DNAH10: variants seen among roughly 807,000 people sequenced by gnomAD.
DNAH10 encodes axonemal beta dynein heavy chain 10.
In DNAH10, 348 loss-of-function variants were observed where a neutral mutation model predicts 506.6. The observed-to-expected ratio is 0.69, with a 90% CI of 0.63 to 0.75. The LOEUF is 0.75. Ranked by LOEUF, DNAH10 falls within the 30% of genes least tolerant of loss-of-function variation. The pLI, the probability that DNAH10 is intolerant of heterozygous loss-of-function variation, is 0.00. For synonymous variants in DNAH10, 2,059 were observed against 2,198.6 expected, an observed-to-expected ratio of 0.94 and a Z score of 1.78; for missense variants, 5,179 against 5,787.1, an observed-to-expected ratio of 0.89 and a Z score of 3.41.
At chr12:123,808,745 T>A in intron 18 of DNAH10, 52 bp from the exon 19 acceptor site, 1 of 1,589,990 alleles carries the variant, frequency 6.3e-7, no homozygotes, top group Non-Finnish European at 8.6e-7. Flanking sequence ...TTGCTTGGTG[T>A]ATTTCACTCT....
At chr12:123,870,325 G>C in intron 43 of DNAH10, 41 bp from the exon 44 acceptor site, 1 of 1,596,412 alleles carries the variant, frequency 6.3e-7, no homozygotes, top group Non-Finnish European at 8.5e-7. Flanking sequence ...TTGTATTTCC[G>C]TGTTTATGAT....
chr12:123,859,179 C>T lies in DNAH10; in HGVS notation c.6660C>T (p.Thr2220=), dbSNP rs1339567084. 1.9e-6 allele frequency: 3 copies of T among 1,611,556 alleles called. No homozygotes were observed. Among genetic ancestry groups the T allele is most frequent in the Non-Finnish European group, 2.5e-6 (3 of 1,179,142 alleles). ...QVDKVVQMFE[T]MLTRHTTMVV... ...ATAAAGTGGTTCAAATGTTCGAGAC[C>T]ATGTTAACCCGCCACACGACGATGG... The change falls in exon 38 of 79, where the codon ACC becomes ACT. Residue 2220 remains threonine, a synonymous_variant. Transcript: ENST00000673944.
intron 47 of DNAH10, among the ~76,000 whole-genome samples, chr12:123,877,457 G>A (rs903680370): frequency 1.3e-5 from 2 of 152,196 alleles, no homozygotes; most frequent in East Asian, 1.9e-4. Flanking sequence ...AATTACAGGT[G>A]CGCACCACCA....
chr12:123,918,822 C>T lies in DNAH10; in HGVS notation c.11379C>T (p.Ser3793=), dbSNP rs776016994. The T allele has an allele frequency of 6.2e-7, 1 of 1,613,960 alleles. No individual in the cohort carries two copies. Among genetic ancestry groups the T allele is most frequent in the Admixed American group, 1.7e-5 (1 of 60,024 alleles). ...MALVNSMYQY[S]LIAFLEVFRL... is the part of the protein sequence containing the mutation. Reference sequence around the variant, plus strand: ...TGGTGAACTCCATGTACCAGTACTCCCTGATTGCCTTCTTAGAGGTCTTCA... The same window carrying T: ...TGGTGAACTCCATGTACCAGTACTCTCTGATTGCCTTCTTAGAGGTCTTCA... Residue 3793 remains serine, a synonymous_variant, in exon 65 of 79, where the codon TCC becomes TCT. Coordinates refer to ENST00000673944, the MANE Select transcript of DNAH10 (RefSeq NM_001372106.1).
At chr12:123,886,078 C>A (rs1952713128) in intron 51 of DNAH10, among the ~76,000 whole-genome samples, 1 of 152,152 alleles carries the variant, frequency 6.6e-6, no homozygotes, top group Admixed American at 6.5e-5. Flanking sequence ...TAATTGAAAT[C>A]ATTCATTGTT....
intron 73 of DNAH10, 57 bp downstream of exon 73, chr12:123,930,630 A>C: frequency 6.4e-7 from 1 of 1,570,646 alleles, no homozygotes; most frequent in Non-Finnish European, 8.6e-7. Context: ...GGGAGACCAT[A>C]CATTTCAACC....
Position 123,910,622 on chromosome 12 carries a change from G to T in DNAH10, c.10084G>T (p.Val3362Leu), listed in dbSNP as rs745470849. 5 of 1,613,720 alleles carry T rather than the reference G, an allele frequency of 3.1e-6. No individual in the cohort carries two copies. The highest frequency in any genetic ancestry group is 2.2e-5 in the South Asian group (2 of 91,072). The change falls in exon 59 of 79, where the codon GTA (valine) becomes TTA (leucine). Residue 3362 changes from valine to leucine, a missense_variant. Val to Leu is a conservative substitution (Grantham distance 32). Around this residue, in one of 3 missense-constraint regions of DNAH10, gnomAD observed 4,844 missense variants for 5,430.5 expected, o/e 0.89. Coordinates refer to ENST00000673944, the MANE Select transcript of DNAH10 (RefSeq NM_001372106.1). ...GLGMLKFVEA[V>L]MGYCDVFREI... ...GGGGATGCTGAAATTTGTTGAAGCT[G>T]TAATGGGCTACTGTGATGTTTTCAG...
In DNAH10 at chr12:123,804,958, A is replaced by G. The variant is rs1003555357; in HGVS notation, c.2905A>G (p.Thr969Ala). 1 of 1,614,236 alleles carries G rather than the reference A, an allele frequency of 6.2e-7. No homozygotes were observed. Among genetic ancestry groups the G allele is most frequent in the South Asian group, 1.1e-5 (1 of 91,086 alleles). ...TGAGGGCCTGGTCGTCCACACCAACACAGGCAAGGCCCCCAAGCTGGCCTC... is the reference window on the plus strand; with the variant it reads ...TGAGGGCCTGGTCGTCCACACCAACGCAGGCAAGGCCCCCAAGCTGGCCTC... ...KVEGLVVHTNTGKAPKLASYY... is the reference protein window; with the variant it reads ...KVEGLVVHTNAGKAPKLASYY... Residue 969 changes from threonine to alanine, a missense_variant, in exon 18 of 79, where the codon ACA (threonine) becomes GCA (alanine). Physicochemically the swap from Thr to Ala is moderately conservative, Grantham distance 58. Transcript: ENST00000673944.
At chr12:123,887,048 C>A in intron 51 of DNAH10, 94 bp from the exon 52 acceptor site, 1 of 1,448,366 alleles carries the variant, frequency 6.9e-7, no homozygotes, top group Non-Finnish European at 9.2e-7. Flanking sequence ...AGACCCACGC[C>A]CTCTGCACTC....
chr12:123,918,452 T>G (rs1409493721), intron 64 of DNAH10, among the ~76,000 whole-genome samples: 1 of 152,164 alleles, frequency 6.6e-6, no homozygotes, highest in Non-Finnish European at 1.5e-5. Flanking sequence ...ACCGGAGACT[T>G]ACAAGCAGTG....
chr12:123,869,728 C>T (rs543632447), intron 43 of DNAH10, among the ~76,000 whole-genome samples: 3 of 152,300 alleles, frequency 2.0e-5, no homozygotes, highest in South Asian at 2.1e-4. Context: ...TCAGGCTCCT[C>T]GCTCCATCTG....
chr12:123,916,870 G>C lies in DNAH10; in HGVS notation c.11002+134G>C. On this transcript the variant is annotated intron_variant, in intron 63 of 78. Coordinates refer to ENST00000673944, the MANE Select transcript of DNAH10 (RefSeq NM_001372106.1). This position sits in a 1 kb window ranked among gnomAD's most constrained non-coding sequence, Gnocchi z 4.6. ...TTCTCTCATAGGCACATCTGGACTA[G>C]TCAGCTCTTACCAATTAGGTACCAC... 1 of 1,148,160 alleles carries C rather than the reference G, an allele frequency of 8.7e-7. No homozygotes were observed. 71.1% of individuals were successfully genotyped at this position (1,148,160 alleles called of 1,614,324 possible). A position where few individuals can be genotyped will look rare whatever the true frequency, so the allele number is the denominator to read the frequency against.
intron 30 of DNAH10, among the ~76,000 whole-genome samples, chr12:123,842,846 G>A (rs757972711): frequency 3.4e-4 from 51 of 152,132 alleles, no homozygotes; most frequent in Non-Finnish European, 6.2e-4. Flanking sequence ...CAGAATATTC[G>A]ACAGTTAGTC....
At chr12:123,799,111 A>G (rs1958387940) in intron 13 of DNAH10, 135 bp from the exon 14 acceptor site, 1 of 562,248 alleles carries the variant, frequency 1.8e-6, no homozygotes. Flanking sequence ...TCTCCAAAAA[A>G]AAAAAAAAAA....
At position 123,907,488 on chromosome 12, in the gene DNAH10, G is replaced by A. The variant is rs952721164; in HGVS notation, c.9816-1773G>A. 2.0e-5 allele frequency among the ~76,000 whole-genome samples: 3 copies of A among 152,194 alleles called. No homozygotes were observed. Among genetic ancestry groups the A allele is most frequent in the African/African-American group, 4.8e-5 (2 of 41,434 alleles). ...TCACACACCTTGGTCATCCGGCATT[G>A]TGGAAAGTGGTATGTTCTGGATAAG... On this transcript the variant is annotated intron_variant, in intron 57 of 78. Coordinates refer to ENST00000673944, the MANE Select transcript of DNAH10 (RefSeq NM_001372106.1). The surrounding 1 kb of genome is among the most constrained non-coding windows in gnomAD (Gnocchi z 4.4).
chr12:123,813,221 G>A lies in DNAH10; in HGVS notation c.3202G>A (p.Glu1068Lys), dbSNP rs561113993. ...AGAATGCCCACCTCAGAAGGGGGAG[G>A]AAGAGGAAGTTGTTATAATAAACTT... ...CIECPPQKGE[E>K]EEVVIINFYN... is the part of the protein sequence containing the mutation. Residue 1068 changes from glutamate to lysine, a missense_variant, in exon 20 of 79, where the codon GAA becomes AAA. Around this residue, in one of 3 missense-constraint regions of DNAH10, gnomAD observed 4,844 missense variants for 5,430.5 expected, o/e 0.89. Transcript: ENST00000673944. 3.4e-4 allele frequency: 555 copies of A among 1,613,958 alleles called. 5 individuals carry two copies. The South Asian group carries it at 5.2e-3, about 15-fold the overall frequency.
rs761518535 is a variant in DNAH10 at position 123,857,044 on chromosome 12, C to T, written c.6439-12C>T. On this transcript the variant is annotated splice_polypyrimidine_tract_variant and intron_variant, in intron 36 of 78. Transcript: ENST00000673944. ...GGAAATCTCTTGGAAACATGTGTTTCATTTCCTGCAGGACGTGGTGCTGAT... is the reference window on the plus strand; with the variant it reads ...GGAAATCTCTTGGAAACATGTGTTTTATTTCCTGCAGGACGTGGTGCTGAT... 1.3e-6 allele frequency: 2 copies of T among 1,597,622 alleles called. No individual in the cohort carries two copies. Among genetic ancestry groups the T allele is most frequent in the Admixed American group, 3.5e-5 (2 of 57,816 alleles).
At chr12:123,886,494 CGT>C (rs751962813) in intron 51 of DNAH10, among the ~76,000 whole-genome samples, 20,683 of 150,822 alleles carry the variant, frequency 0.14, 1,749 homozygotes, top group Non-Finnish European at 0.19. Flanking sequence ...TGTGTGCACA[CGT>C]GTGTGTGTGT....
intron 7 of DNAH10, 38 bp downstream of exon 7, chr12:123,783,302 G>GT: frequency 6.2e-7 from 1 of 1,607,232 alleles, no homozygotes. Flanking sequence ...CCCGATCCAG[G>GT]TCATGCTTAC....
Sources: allele counts gnomAD v4.1 joint callset (sites outside exome capture counted in the v4.1 genomes callset), GRCh38; gene constraint gnomAD v4.1.1; regional missense constraint gnomAD v4.1.1; non-coding constraint Gnocchi (gnomAD v3.1); transcripts MANE v1.5; gene names NCBI Gene and HGNC (gene_info 2026-07-23, HGNC 2026-07-21).